The following C4orf51 variants were observed in gnomAD, a reference collection of about 807,000 sequenced individuals.
C4orf51 encodes uncharacterized protein C4orf51.
Under a neutral mutation model 25.2 loss-of-function variants are expected in C4orf51, and 25 were observed. The observed-to-expected ratio is 0.99, with a 90% CI of 0.72 to 1.39. The LOEUF (loss-of-function observed/expected upper bound fraction) is 1.39. Among genes scored for constraint, C4orf51 ranks in the 40% most tolerant of loss-of-function variants. C4orf51 has a pLI of 0.00. For missense variants in C4orf51, 252 were observed against 239.6 expected, an observed-to-expected ratio of 1.05 and a Z score of -0.34; for synonymous variants, 100 against 84.5, an observed-to-expected ratio of 1.18 and a Z score of -1.01.
chr4:145,742,196 C>A (rs1333254653), intron 1 of C4orf51, among the ~76,000 whole-genome samples: 1 of 152,218 alleles, frequency 6.6e-6, no homozygotes, highest in Non-Finnish European at 1.5e-5. Context: ...CAGCCTCACT[C>A]TACTCATCCT....
chr4:145,738,556 G>C (rs566265861), intron 1 of C4orf51, among the ~76,000 whole-genome samples: 2 of 151,938 alleles, frequency 1.3e-5, no homozygotes, highest in African/African-American at 4.8e-5. Flanking sequence ...TTTTTTTTCT[G>C]TGGGACTGTT....
chr4:145,785,653 G>C, the C4orf51 span, among the ~76,000 whole-genome samples: 4 of 152,118 alleles, frequency 2.6e-5, no homozygotes, highest in African/African-American at 4.8e-5. Context: ...AATGTTTTCT[G>C]TTTTATATAT....
At chr4:145,767,266 G>A (rs1008534640) in intron 1 of C4orf51, among the ~76,000 whole-genome samples, 11 of 152,192 alleles carry the variant, frequency 7.2e-5, no homozygotes, top group African/African-American at 2.4e-4. Flanking sequence ...ATTACCAGCA[G>A]TAATCCCATT....
chr4:145,684,985 T>A (rs190889680), intron 1 of C4orf51, among the ~76,000 whole-genome samples: 1 of 151,982 alleles, frequency 6.6e-6, no homozygotes. Context: ...AAAGGAGAAA[T>A]AAGTAAATAC....
chr4:145,736,790 A>G (rs1732827768), downstream of C4orf51, among the ~76,000 whole-genome samples: 1 of 152,154 alleles, frequency 6.6e-6, no homozygotes, highest in Non-Finnish European at 1.5e-5. Flanking sequence ...GGGATGGTGT[A>G]AAAAAGTTCA....
intron 2 of C4orf51, among the ~76,000 whole-genome samples, chr4:145,723,113 G>GA (rs1403462842): frequency 2.6e-5 from 4 of 151,978 alleles, no homozygotes; most frequent in African/African-American, 9.7e-5. Context: ...CCCTGCCCCT[G>GA]CCCACCCACC....
downstream of C4orf51, among the ~76,000 whole-genome samples, chr4:145,772,177 A>C (rs778277984): frequency 2.0e-5 from 3 of 152,238 alleles, no homozygotes; most frequent in Admixed American, 6.5e-5. Context: ...ATGTGCACAG[A>C]TGAGCTTGCA....
chr4:145,697,462 C>T (rs913427626), intron 2 of C4orf51, among the ~76,000 whole-genome samples: 1 of 152,194 alleles, frequency 6.6e-6, no homozygotes. Context: ...ATAAGGTCTC[C>T]ATACATATTC....
chr4:145,718,370 A>G (rs914264370), intron 2 of C4orf51, among the ~76,000 whole-genome samples: 1 of 152,262 alleles, frequency 6.6e-6, no homozygotes, highest in Non-Finnish European at 1.5e-5. Context: ...GGCAGTGCCT[A>G]GGAAAATATT....
intron 2 of C4orf51, among the ~76,000 whole-genome samples, chr4:145,709,029 G>T (rs1730987309): frequency 6.6e-6 from 1 of 152,154 alleles, no homozygotes; most frequent in Admixed American, 6.5e-5. Flanking sequence ...GAAGAAGTGG[G>T]AGGATGTGAG....
At chr4:145,734,935 G>C (rs1447169832), downstream of C4orf51, among the ~76,000 whole-genome samples, 1 of 152,148 alleles carries the variant, frequency 6.6e-6, no homozygotes, top group African/African-American at 2.4e-5. Context: ...TTTCTCCTTA[G>C]AGCCGGTTCA....
chr4:145,749,159 T>C (rs1269092714), intron 1 of C4orf51, among the ~76,000 whole-genome samples: 1 of 151,386 alleles, frequency 6.6e-6, no homozygotes, highest in Non-Finnish European at 1.5e-5. Flanking sequence ...ACCCTCTTTG[T>C]CTCTTCTTAT....
At chr4:145,788,839 T>C in the C4orf51 span, among the ~76,000 whole-genome samples, 1 of 152,206 alleles carries the variant, frequency 6.6e-6, no homozygotes, top group Non-Finnish European at 1.5e-5. Context: ...AGAAAAGTAA[T>C]CAGGCCTGAA....
chr4:145,724,566 A>C (rs1432412153), intron 2 of C4orf51, among the ~76,000 whole-genome samples: 2 of 152,180 alleles, frequency 1.3e-5, no homozygotes, highest in Non-Finnish European at 1.5e-5. Context: ...AAATCACACA[A>C]GATAACTCAG....
chr4:145,700,792 C>T (rs1578951320), intron 2 of C4orf51, among the ~76,000 whole-genome samples: 1 of 152,096 alleles, frequency 6.6e-6, no homozygotes, highest in Non-Finnish European at 1.5e-5. Flanking sequence ...CTCCCCTCCT[C>T]GCCAGGCCAA....
rs761343875 is a variant in C4orf51, at chr4:145,765,202, G to A, written n.167-5786G>A. 9.7e-6 allele frequency: 15 copies of A among 1,550,902 alleles called. No homozygotes were observed. The highest frequency in any genetic ancestry group is 1.3e-5 in the Non-Finnish European group (15 of 1,146,130). On this transcript the variant is annotated intron_variant and non_coding_transcript_variant, in intron 1 of 1. Transcript: ENST00000510096. The surrounding 1 kb of genome is among the most constrained non-coding windows in gnomAD (Gnocchi z 4.7). ...GAAGCTGGGTATAGAGGTGCACAGG[G>A]CAGCGGGGAGAGGAGGGCAGGAGTG...
intron 3 of C4orf51, among the ~76,000 whole-genome samples, chr4:145,728,029 T>TA (rs1732201853): frequency 1.7e-5 from 2 of 119,436 alleles, no homozygotes; most frequent in Admixed American, 1.1e-4. Flanking sequence ...ATAATATATA[T>TA]TATATATAAT....
chr4:145,689,682 G>T (rs1201760638), intron 1 of C4orf51, among the ~76,000 whole-genome samples: 1 of 151,970 alleles, frequency 6.6e-6, no homozygotes, highest in African/African-American at 2.4e-5. Context: ...ATAGACCAAT[G>T]GCACAGAATA....
chr4:145,779,746 T>C, the C4orf51 span, among the ~76,000 whole-genome samples: 1 of 152,234 alleles, frequency 6.6e-6, no homozygotes, highest in African/African-American at 2.4e-5. Context: ...TTTCTCTCTT[T>C]CTTCACTAAA....
Sources: allele counts gnomAD v4.1 joint callset (sites outside exome capture counted in the v4.1 genomes callset), GRCh38; gene constraint gnomAD v4.1.1; non-coding constraint Gnocchi (gnomAD v3.1); transcripts MANE v1.5; gene names NCBI Gene and HGNC (gene_info 2026-07-23, HGNC 2026-07-21).